PHF19: variants seen among roughly 807,000 people sequenced by gnomAD.
The protein encoded by PHF19 is polycomb like 3.
In PHF19, 21 loss-of-function variants were observed where a neutral mutation model predicts 79.8. The observed-to-expected ratio is 0.26, with a 90% confidence interval of 0.19 to 0.38. The LOEUF (loss-of-function observed/expected upper bound fraction) is 0.38, where lower values mean the gene tolerates loss of function less well. Among genes scored for constraint, PHF19 ranks in the 10% least tolerant of loss-of-function variants. The pLI is 1.00. For synonymous variants in PHF19, 273 were observed against 296.3 expected, an observed-to-expected ratio of 0.92 and a Z score of 0.81; for missense variants, 445 against 744.2, an observed-to-expected ratio of 0.60 and a Z score of 4.68.
rs564931345 is a variant in PHF19 at position 120,870,649 on chromosome 9, C to T, written c.269-111G>A. 4 of 668,520 alleles carry T rather than the reference C, an allele frequency of 6.0e-6. No individual in the cohort carries two copies. The highest frequency in any genetic ancestry group is 4.6e-5 in the Admixed American group (2 of 43,476). 41.4% of individuals were successfully genotyped at this position (668,520 alleles called of 1,614,324 possible). A position where few individuals can be genotyped will look rare whatever the true frequency, so the allele number is the denominator to read the frequency against. On this transcript the variant is annotated intron_variant, in intron 3 of 14. Transcript: ENST00000373896. This position sits in a 1 kb window ranked among gnomAD's most constrained non-coding sequence, Gnocchi z 4.4. ...CTGCTAGGCCTAGCGCTGGGCCCCACATGCCACCTCACTGAATCTCCCCAA... is the reference window on the plus strand; with the variant it reads ...CTGCTAGGCCTAGCGCTGGGCCCCATATGCCACCTCACTGAATCTCCCCAA...
At chr9:120,861,202 G>A in intron 12 of PHF19, 28 bp from the exon 13 acceptor site, 1 of 1,318,250 alleles carries the variant, frequency 7.6e-7, no homozygotes, top group Non-Finnish European at 1.1e-6. Context: ...AGAGAGGAAG[G>A]GTCAGACAGC....
At chr9:120,903,487 CAGGAAGG>C in the PHF19 span, 5 of 152,316 alleles carry the variant, frequency 3.3e-5, no homozygotes, top group Non-Finnish European at 5.9e-5. Flanking sequence ...CTGGAGAGAA[CAGGAAGG>C]GCTACTGACC....
intron 8 of PHF19, 31 bp from the exon 9 acceptor site, chr9:120,865,861 G>C: frequency 1.2e-6 from 2 of 1,613,928 alleles, no homozygotes; most frequent in Non-Finnish European, 1.7e-6. Flanking sequence ...GTGGGACCAG[G>C]TGAGGTGGCA....
chr9:120,892,282 C>T (rs773906587), intron 1 of PHF19, among the ~76,000 whole-genome samples: 73 of 152,074 alleles, frequency 4.8e-4, no homozygotes, highest in Non-Finnish European at 9.4e-4. Context: ...GGCCTTGTCT[C>T]GGCTCTCTCT....
intron 12 of PHF19, 121 bp from the exon 13 acceptor site, chr9:120,861,295 A>G: frequency 1.4e-6 from 1 of 737,798 alleles, no homozygotes; most frequent in Middle Eastern, 3.7e-4. Flanking sequence ...GGGTAAGACC[A>G]TCACCTTTAT....
chr9:120,869,625 G>T lies in PHF19; in HGVS notation c.465+220C>A. On this transcript the variant is annotated intron_variant, in intron 5 of 14. Coordinates refer to ENST00000373896, the MANE Select transcript of PHF19 (RefSeq NM_015651.3). This position sits in a 1 kb window ranked among gnomAD's most constrained non-coding sequence, Gnocchi z 5.8. ...TAGTAAAGCATCATTTATTGGTCCCGTTATTCCCGACACCAAACCCATCTC... is the reference window on the plus strand; with the variant it reads ...TAGTAAAGCATCATTTATTGGTCCCTTTATTCCCGACACCAAACCCATCTC... 1 of 1,522,482 alleles carries T rather than the reference G, an allele frequency of 6.6e-7. No homozygotes were observed. The allele number at this position is 1,522,482 out of a possible 1,614,324, so 94.3% of individuals were successfully genotyped here. A position where few individuals can be genotyped will look rare whatever the true frequency, so the allele number is the denominator to read the frequency against.
Position 120,857,947 on chromosome 9 carries a change from G to A in PHF19, c.1740C>T (p.Tyr580=), listed in dbSNP as rs780184003. ...YLVEWEGTTP[Y] The stretch of plus-strand genomic sequence containing the variant: ...CCCTGGCACCCCCGGGGGCTAGTCA[G>A]TAAGGGGTGGTCCCTTCCCACTCCA... The change falls in exon 15 of 15, where the codon TAC becomes TAT. Residue 580 remains tyrosine, a synonymous_variant. Coordinates refer to ENST00000373896, the MANE Select transcript of PHF19 (RefSeq NM_015651.3). 4 of 1,579,742 alleles carry A rather than the reference G, an allele frequency of 2.5e-6. No individual in the cohort carries two copies. The highest frequency in any genetic ancestry group is 3.5e-6 in the Non-Finnish European group (4 of 1,155,826).
At position 120,866,898 on chromosome 9, in the gene PHF19, G is replaced by A. The variant is rs2045719522; in HGVS notation, c.682C>T (p.Leu228Phe). The A allele has an allele frequency of 1.2e-6, 2 of 1,610,430 alleles. No homozygotes were observed. Among genetic ancestry groups the A allele is most frequent in the Non-Finnish European group, 8.5e-7 (1 of 1,176,636 alleles). The change falls in exon 7 of 15, where the codon CTC (leucine) becomes TTC (phenylalanine). Residue 228 changes from leucine to phenylalanine, a missense_variant. Transcript: ENST00000373896. This position sits in a 1 kb window ranked among gnomAD's most constrained non-coding sequence, Gnocchi z 5.2. Reference protein sequence around the residue: ...QWFHEACTQCLNEPMMFGDRF... With the variant: ...QWFHEACTQCFNEPMMFGDRF... ...TCTCCAAACATCATGGGCTCATTGA[G>A]GCACTGGGTGCAGGCCTCGTGGAAC...
chr9:120,897,679 A>T (rs938193861), upstream of PHF19, among the ~76,000 whole-genome samples: 3 of 152,150 alleles, frequency 2.0e-5, no homozygotes, highest in African/African-American at 7.2e-5. Context: ...AAAAATACGA[A>T]TGAAATATTA....
Position 120,885,231 on chromosome 9 carries a change from C to T in PHF19, c.42+9557G>A, listed in dbSNP as rs148152263. Among the ~76,000 whole-genome samples the T allele has an allele frequency of 7.0e-4, 107 of 152,138 alleles. 1 individual carries two copies. The highest frequency in any genetic ancestry group is 3.0e-3 in the Admixed American group (46 of 15,272). On this transcript the variant is annotated intron_variant, in intron 1 of 14. Coordinates refer to the PHF19 transcript ENST00000616568. ...AGACCCTGTGTCTTAATGGAGGGAA[C>T]CTTCCAAGTCAAGTTTTCCAACTTC...
chr9:120,867,100 T>G, intron 6 of PHF19, 135 bp from the exon 7 acceptor site: 1 of 636,658 alleles, frequency 1.6e-6, no homozygotes, highest in Admixed American at 2.4e-5. Flanking sequence ...GCACTTAGGC[T>G]GTGCCAAGGG....
intron 14 of PHF19, among the ~76,000 whole-genome samples, chr9:120,859,519 C>T (rs1022033894): frequency 6.6e-6 from 1 of 152,170 alleles, no homozygotes; most frequent in Non-Finnish European, 1.5e-5. Context: ...GACCACTCCC[C>T]GTACTGCTGA....
chr9:120,866,846 C>G lies in PHF19; in HGVS notation c.710+24G>C. On this transcript the variant is annotated intron_variant, in intron 7 of 14. Coordinates refer to ENST00000373896, the MANE Select transcript of PHF19 (RefSeq NM_015651.3). This position sits in a 1 kb window ranked among gnomAD's most constrained non-coding sequence, Gnocchi z 5.2. ...CCCTCTCCCCACCACGCCCAAGGCC[C>G]ACTTGGACCAAATTAGCACCTACCG... 1 of 1,396,352 alleles carries G rather than the reference C, an allele frequency of 7.2e-7. No homozygotes were observed. 86.5% of individuals were successfully genotyped at this position (1,396,352 alleles called of 1,614,324 possible). A position where few individuals can be genotyped will look rare whatever the true frequency, so the allele number is the denominator to read the frequency against.
At chr9:120,868,315 T>C (rs2045767142) in intron 6 of PHF19, 1 of 152,396 alleles carries the variant, frequency 6.6e-6, no homozygotes, top group East Asian at 1.9e-4. Context: ...CTTTCATGCA[T>C]TAGTACCACC....
chr9:120,890,394 A>G (rs776637797), intron 1 of PHF19, among the ~76,000 whole-genome samples: 1 of 150,986 alleles, frequency 6.6e-6, no homozygotes, highest in Non-Finnish European at 1.5e-5. Context: ...GGCTTTGGGC[A>G]GCCCATAAAA....
At chr9:120,865,903 T>C in intron 8 of PHF19, 73 bp from the exon 9 acceptor site, 1 of 1,608,440 alleles carries the variant, frequency 6.2e-7, no homozygotes, top group Non-Finnish European at 8.5e-7. Context: ...GCTTTCTGGG[T>C]CCAGGCTGAG....
Position 120,863,576 on chromosome 9 carries a change from G to A in PHF19, c.968+473C>T, listed in dbSNP as rs995708809. Among the ~76,000 whole-genome samples, 72 of 152,148 alleles carry A rather than the reference G, an allele frequency of 4.7e-4. 3 individuals carry two copies. Among genetic ancestry groups the A allele is most frequent in the Admixed American group, 4.6e-3 (70 of 15,290 alleles). Reference sequence around the variant, plus strand: ...GCAAAGGGACAGCGGCAGAGGACGCGGGCACAGCCTGGTCTTAAAAGGCCT... The same window carrying A: ...GCAAAGGGACAGCGGCAGAGGACGCAGGCACAGCCTGGTCTTAAAAGGCCT... On this transcript the variant is annotated intron_variant, in intron 10 of 14. Coordinates refer to ENST00000373896, the MANE Select transcript of PHF19 (RefSeq NM_015651.3).
rs548342099 is a variant in PHF19, at chr9:120,862,677, C to G, written c.1041G>C (p.Pro347=). Residue 347 remains proline, a synonymous_variant, in exon 11 of 15, where the codon CCG becomes CCC. Transcript: ENST00000373896. This position sits in a 1 kb window ranked among gnomAD's most constrained non-coding sequence, Gnocchi z 4.6. ...FRLRIRVPPN[P]PGKLLPDKGL... Reference sequence around the variant, plus strand: ...CTTTGTCAGGCAGCAGCTTCCCTGGCGGGTTGGGTGGGACGCGGATGCGCA... The same window carrying G: ...CTTTGTCAGGCAGCAGCTTCCCTGGGGGGTTGGGTGGGACGCGGATGCGCA... 1 of 1,614,170 alleles carries G rather than the reference C, an allele frequency of 6.2e-7. No individual in the cohort carries two copies. The highest frequency in any genetic ancestry group is 8.5e-7 in the Non-Finnish European group (1 of 1,180,012).
chr9:120,900,168 G>A, the PHF19 span, among the ~76,000 whole-genome samples: 1 of 152,026 alleles, frequency 6.6e-6, no homozygotes, highest in African/African-American at 2.4e-5. Context: ...TGTATTTTTG[G>A]TAGAGACAGG....
Sources: allele counts gnomAD v4.1 joint callset (sites outside exome capture counted in the v4.1 genomes callset), GRCh38; gene constraint gnomAD v4.1.1; non-coding constraint Gnocchi (gnomAD v3.1); transcripts MANE v1.5; gene names NCBI Gene and HGNC (gene_info 2026-07-23, HGNC 2026-07-21).